GRM5: variants seen among roughly 807,000 people sequenced by gnomAD.
GRM5 encodes the protein glutamate metabotropic receptor 5, also known as metabotropic glutamate receptor 5.
GRM5 carries 19 observed loss-of-function variants against 83.1 expected under a neutral mutation model. The ratio of observed to expected loss-of-function variants is 0.23; its 90% confidence interval spans 0.16 to 0.34. The LOEUF is 0.34. Ranked by LOEUF, GRM5 falls within the 10% of genes least tolerant of loss-of-function variation. The probability of loss-of-function intolerance (pLI) is 1.00; values close to 1 mark genes in which losing one functional copy is unlikely to be tolerated. For synonymous variants in GRM5, 675 were observed against 633.6 expected (o/e 1.07, Z -0.98); for missense variants, 1,160 against 1,588.3 (o/e 0.73, Z 4.58).
At chr11:89,035,161 C>A (rs1164308161) in intron 2 of GRM5, among the ~76,000 whole-genome samples, 4 of 151,604 alleles carry the variant, frequency 2.6e-5, no homozygotes, top group African/African-American at 7.3e-5. Context: ...TTTCTGTCTT[C>A]ATGTATTTCC....
At chr11:88,897,036 G>A (rs537589791) in intron 2 of GRM5, among the ~76,000 whole-genome samples, 1 of 151,882 alleles carries the variant, frequency 6.6e-6, no homozygotes, top group South Asian at 2.1e-4. Flanking sequence ...CTAATCAAAC[G>A]AACTGCCCAA....
intron 3 of GRM5, among the ~76,000 whole-genome samples, chr11:88,686,762 T>A (rs536338789): frequency 6.6e-6 from 1 of 152,180 alleles, no homozygotes; most frequent in Non-Finnish European, 1.5e-5. Flanking sequence ...GTGGCTGCCA[T>A]GTAAGAAGTG....
chr11:89,060,691 T>C (rs1019459643), intron 1 of GRM5, among the ~76,000 whole-genome samples: 2 of 152,142 alleles, frequency 1.3e-5, no homozygotes. Context: ...AGGTAAAATA[T>C]AGATTTTCAT....
intron 3 of GRM5, among the ~76,000 whole-genome samples, chr11:88,719,012 A>G (rs1404509247): frequency 6.8e-6 from 1 of 146,660 alleles, no homozygotes; most frequent in Non-Finnish European, 1.5e-5. Flanking sequence ...AACAAACACT[A>G]TTCCCCTTCC....
At chr11:88,544,831 C>G (rs560243499) in intron 8 of GRM5, among the ~76,000 whole-genome samples, 2 of 152,338 alleles carry the variant, frequency 1.3e-5, no homozygotes, top group Admixed American at 1.3e-4. Context: ...GGTCTCAGTG[C>G]TCTTGGTACC....
intron 3 of GRM5, among the ~76,000 whole-genome samples, chr11:88,691,699 T>C (rs760599184): frequency 6.6e-6 from 1 of 152,100 alleles, no homozygotes; most frequent in Non-Finnish European, 1.5e-5. Flanking sequence ...AATTTTAGGG[T>C]TTATCCTGAG....
At position 89,046,007 on chromosome 11, in the gene GRM5, T is replaced by C. The variant is rs573430578; in HGVS notation, c.661+1205A>G. Among the ~76,000 whole-genome samples the C allele has an allele frequency of 3.9e-5, 6 of 152,290 alleles. No homozygotes were observed. The South Asian group carries it at 1.2e-3, about 32-fold the overall frequency. On this transcript the variant is annotated intron_variant, in intron 2 of 9. Coordinates refer to ENST00000305447, the MANE Select transcript of GRM5 (RefSeq NM_001143831.3). ...GATTTTTTTCTCCATCAATTTCCTT[T>C]AGAGTCAGATTTGTAACATTGTGTC...
rs187834273 is a variant in GRM5 at position 89,029,730 on chromosome 11, C to G, written c.661+17482G>C. Among the ~76,000 whole-genome samples, 19 of 152,230 alleles carry G rather than the reference C, an allele frequency of 1.2e-4. No homozygotes were observed. In the East Asian group the frequency reaches 3.7e-3, roughly 29 times the overall value. On this transcript the variant is annotated intron_variant, in intron 2 of 9. Transcript: ENST00000305447. ...ATGAAAAGGATGAGGCCTACTGAAA[C>G]TTTTTATTTCCTAAATGCCTTATAT...
intron 3 of GRM5, among the ~76,000 whole-genome samples, chr11:88,706,756 C>T (rs1344067963): frequency 6.6e-6 from 1 of 151,906 alleles, no homozygotes; most frequent in African/African-American, 2.4e-5. Context: ...ACAAATTCTC[C>T]AAGATATGAA....
chr11:88,790,206 A>C (rs1462777585), intron 3 of GRM5, among the ~76,000 whole-genome samples: 1 of 152,044 alleles, frequency 6.6e-6, no homozygotes, highest in Non-Finnish European at 1.5e-5. Flanking sequence ...CCTGTATGCT[A>C]TTTTTGCTCT....
chr11:89,064,915 T>TGTGTGAGA (rs1431752395), intron 1 of GRM5, among the ~76,000 whole-genome samples: 1 of 58,040 alleles, frequency 1.7e-5, no homozygotes, highest in African/African-American at 6.4e-5. Flanking sequence ...TGTGTGTGTG[T>TGTGTGAGA]GAGAGAGAGA....
intron 2 of GRM5, among the ~76,000 whole-genome samples, chr11:88,964,371 G>GTTT (rs35284482): frequency 5.4e-5 from 8 of 149,074 alleles, no homozygotes; most frequent in Non-Finnish European, 1.2e-4. Context: ...GGCACAGAGG[G>GTTT]TTTTTTTTTT....
At chr11:88,668,625 A>C (rs139328940) in intron 3 of GRM5, among the ~76,000 whole-genome samples, 170 of 152,306 alleles carry the variant, frequency 1.1e-3, no homozygotes, top group African/African-American at 3.8e-3. Context: ...TACCCCAGGA[A>C]TGAAAAATTA....
At chr11:88,514,028 C>T (rs1220428364) in intron 9 of GRM5, among the ~76,000 whole-genome samples, 1 of 151,922 alleles carries the variant, frequency 6.6e-6, no homozygotes, top group Non-Finnish European at 1.5e-5. Flanking sequence ...TGGCACGTCA[C>T]CTTCCCTCAC....
intron 2 of GRM5, among the ~76,000 whole-genome samples, chr11:88,985,499 A>C (rs1259005154): frequency 6.6e-6 from 1 of 152,126 alleles, no homozygotes; most frequent in Non-Finnish European, 1.5e-5. Flanking sequence ...TGATCTCATG[A>C]AAACTCATGT....
intron 2 of GRM5, among the ~76,000 whole-genome samples, chr11:88,877,747 T>C (rs1944881275): frequency 6.6e-6 from 1 of 151,480 alleles, no homozygotes; most frequent in Non-Finnish European, 1.5e-5. Flanking sequence ...GGAGGATCAC[T>C]TGAGCCCTGG....
intron 1 of GRM5, among the ~76,000 whole-genome samples, chr11:89,048,760 A>G (rs1941696945): frequency 6.6e-6 from 1 of 152,186 alleles, no homozygotes; most frequent in African/African-American, 2.4e-5. Flanking sequence ...ATAGAGTACA[A>G]CATCCCCCAA....
chr11:88,539,790 G>C (rs308891), intron 8 of GRM5, among the ~76,000 whole-genome samples: 8,115 of 152,232 alleles, frequency 0.053, 757 homozygotes, highest in African/African-American at 0.19. Flanking sequence ...CTGCGATTTA[G>C]GCTGGATTTG....
intron 4 of GRM5, among the ~76,000 whole-genome samples, chr11:88,643,824 G>A (rs1939363544): frequency 6.6e-6 from 1 of 152,090 alleles, no homozygotes; most frequent in African/African-American, 2.4e-5. Flanking sequence ...TCTGAGCTAT[G>A]GCTAAGCCAT....
Sources: allele counts gnomAD v4.1 joint callset (sites outside exome capture counted in the v4.1 genomes callset), GRCh38; gene constraint gnomAD v4.1.1; transcripts MANE v1.5; gene names NCBI Gene and HGNC (gene_info 2026-07-23, HGNC 2026-07-21).